COLEC10: variants seen among roughly 807,000 people sequenced by gnomAD.
COLEC10 encodes the protein collectin subfamily member 10.
Under a neutral mutation model 28.4 loss-of-function variants are expected in COLEC10, and 22 were observed. That is an observed-to-expected ratio of 0.78 (90% confidence interval 0.55 to 1.11). The LOEUF (loss-of-function observed/expected upper bound fraction) is 1.11, where lower values mean the gene tolerates loss of function less well. Ranked by LOEUF, COLEC10 falls within the 50% of genes least tolerant of loss-of-function variation. The pLI is 0.00. For missense variants in COLEC10, 361 were observed against 344.1 expected, an observed-to-expected ratio of 1.05 and a Z score of -0.39; for synonymous variants, 125 against 116.1, an observed-to-expected ratio of 1.08 and a Z score of -0.49.
intron 2 of COLEC10, among the ~76,000 whole-genome samples, chr8:119,046,871 T>C (rs976519252): frequency 2.6e-5 from 4 of 152,176 alleles, no homozygotes; most frequent in African/African-American, 9.6e-5. Flanking sequence ...TCATGACCCA[T>C]AAACTATCTT....
At chr8:118,952,372 G>A in the COLEC10 span, among the ~76,000 whole-genome samples, 2 of 152,184 alleles carry the variant, frequency 1.3e-5, no homozygotes, top group Non-Finnish European at 2.9e-5. Flanking sequence ...CTCGCTGGGC[G>A]AAAGCTGTGA....
chr8:119,046,632 A>G (rs182129565), intron 2 of COLEC10, among the ~76,000 whole-genome samples: 1 of 152,316 alleles, frequency 6.6e-6, no homozygotes, highest in African/African-American at 2.4e-5. Context: ...AGAAAGTTCA[A>G]GTGTTTCACT....
chr8:118,977,896 C>T, the COLEC10 span, among the ~76,000 whole-genome samples: 6 of 151,904 alleles, frequency 3.9e-5, no homozygotes, highest in South Asian at 2.1e-4. Flanking sequence ...TGAGCATCTA[C>T]AGGAAATTGT....
At chr8:119,036,896 GAGA>G (rs1814398664) in intron 2 of COLEC10, among the ~76,000 whole-genome samples, 2 of 152,150 alleles carry the variant, frequency 1.3e-5, no homozygotes, top group Non-Finnish European at 2.9e-5. Flanking sequence ...GGAGCCATGT[GAGA>G]AGGTCACCTG....
chr8:119,068,576 G>A (rs532225254), intron 1 of COLEC10: 7 of 152,256 alleles, frequency 4.6e-5, no homozygotes, highest in East Asian at 1.9e-4. Flanking sequence ...TGGGGGCATT[G>A]AAAATTAAAG....
the COLEC10 span, among the ~76,000 whole-genome samples, chr8:118,965,611 T>C: frequency 2.6e-5 from 4 of 151,754 alleles, no homozygotes; most frequent in South Asian, 4.2e-4. Flanking sequence ...CCGTGTGAGA[T>C]GGTAGAGTCT....
Position 119,103,901 on chromosome 8 carries a change from C to T in COLEC10, c.442+6C>T. 6.4e-7 allele frequency: 1 copy of T among 1,570,742 alleles called. No individual in the cohort carries two copies. The highest frequency in any genetic ancestry group is 8.8e-7 in the Non-Finnish European group (1 of 1,141,180). ...TATGAAGTTTGTCAAGAATGGTGAG[C>T]ATATTCTCTTTTGTGTTATGTATCT... On this transcript the variant is annotated splice_donor_region_variant and intron_variant, in intron 5 of 5. Transcript: ENST00000332843.
At chr8:119,086,267 T>C (rs1479986113) in intron 1 of COLEC10, among the ~76,000 whole-genome samples, 1 of 152,210 alleles carries the variant, frequency 6.6e-6, no homozygotes, top group Non-Finnish European at 1.5e-5. Context: ...TTTCAGTTTA[T>C]AGCTTTTCAC....
At chr8:119,078,990 TAC>T (rs59453751) in intron 1 of COLEC10, among the ~76,000 whole-genome samples, 4,296 of 142,738 alleles carry the variant, frequency 0.03, 67 homozygotes, top group East Asian at 0.047. Context: ...TGGGAAAACG[TAC>T]ACACACACAC....
intron 1 of COLEC10, among the ~76,000 whole-genome samples, chr8:119,073,756 T>G (rs1422937577): frequency 6.6e-6 from 1 of 152,040 alleles, no homozygotes; most frequent in African/African-American, 2.4e-5. Flanking sequence ...ATGATTTGTT[T>G]CATTTTAGTA....
At chr8:118,966,828 G>A in the COLEC10 span, among the ~76,000 whole-genome samples, 1 of 152,032 alleles carries the variant, frequency 6.6e-6, no homozygotes, top group Non-Finnish European at 1.5e-5. Context: ...AGGAAAAGGG[G>A]CCGCAAAGGA....
the COLEC10 span, among the ~76,000 whole-genome samples, chr8:118,989,550 C>CAA: frequency 6.7e-6 from 1 of 148,650 alleles, no homozygotes; most frequent in African/African-American, 2.5e-5. Flanking sequence ...CACACACACA[C>CAA]ACACACACAC....
intron 2 of COLEC10, among the ~76,000 whole-genome samples, chr8:119,052,196 T>G (rs989872982): frequency 7.2e-5 from 11 of 152,182 alleles, no homozygotes; most frequent in Non-Finnish European, 1.5e-4. Flanking sequence ...GTAAAGCATT[T>G]TAGCCAATAG....
the COLEC10 span, among the ~76,000 whole-genome samples, chr8:118,979,459 CAATAAT>C: frequency 3.3e-5 from 5 of 151,034 alleles, no homozygotes; most frequent in African/African-American, 9.7e-5. Context: ...GTAAGGTAAA[CAATAAT>C]AATAATAATA....
upstream of COLEC10, among the ~76,000 whole-genome samples, chr8:119,066,923 C>T (rs1814975415): frequency 6.6e-6 from 1 of 152,212 alleles, no homozygotes; most frequent in African/African-American, 2.4e-5. Flanking sequence ...CACAACCTTT[C>T]TGAAACTCAG....
At chr8:118,952,804 T>G in the COLEC10 span, among the ~76,000 whole-genome samples, 1 of 152,224 alleles carries the variant, frequency 6.6e-6, no homozygotes, top group Non-Finnish European at 1.5e-5. Context: ...TTTGGCACTT[T>G]GCTCTAGGGT....
chr8:119,010,759 T>G (rs1269725731), intron 2 of COLEC10, among the ~76,000 whole-genome samples: 3 of 151,190 alleles, frequency 2.0e-5, no homozygotes, highest in Non-Finnish European at 4.4e-5. Context: ...ACATATGAAG[T>G]AGAACACCTT....
intron 4 of COLEC10, among the ~76,000 whole-genome samples, chr8:119,103,166 G>T (rs1039093149): frequency 2.0e-5 from 3 of 152,082 alleles, no homozygotes; most frequent in African/African-American, 7.2e-5. Flanking sequence ...AGCAATATTT[G>T]CAGGTTGTTG....
chr8:119,067,295 C>A lies in COLEC10; in HGVS notation c.14C>A (p.Ala5Glu), dbSNP rs373479493. MNGF[A>E]SLLRRNQFIL... ...GGAACCACAGCAATGAATGGCTTTG[C>A]ATCCTTGCTTCGAAGAAACCAATTT... The change falls in exon 1 of 6, where the codon GCA (alanine) becomes GAA (glutamate). Residue 5 changes from alanine to glutamate, a missense_variant. Ala to Glu is a moderately radical substitution (Grantham distance 107, BLOSUM62 -1). Around this residue, in one of 3 missense-constraint regions of COLEC10, gnomAD observed 335 missense variants for 308.5 expected, o/e 1.09. Coordinates refer to ENST00000332843, the MANE Select transcript of COLEC10 (RefSeq NM_006438.5). The A allele has an allele frequency of 2.0e-5, 33 of 1,613,746 alleles. No individual in the cohort carries two copies. Among genetic ancestry groups the A allele is most frequent in the Admixed American group, 1.3e-4 (8 of 59,966 alleles).
Sources: allele counts gnomAD v4.1 joint callset (sites outside exome capture counted in the v4.1 genomes callset), GRCh38; gene constraint gnomAD v4.1.1; regional missense constraint gnomAD v4.1.1; transcripts MANE v1.5; gene names NCBI Gene and HGNC (gene_info 2026-07-23, HGNC 2026-07-21).